ETAA1: variants seen among roughly 807,000 people sequenced by gnomAD.
ETAA1 encodes ETAA1 activator of ATR kinase, also known as ewing's tumor-associated antigen 1.
Under a neutral mutation model 76.8 loss-of-function variants are expected in ETAA1, and 49 were observed. The observed-to-expected ratio is 0.64, with a 90% CI of 0.51 to 0.81. ETAA1 has a LOEUF of 0.81. Among genes scored for constraint, ETAA1 ranks in the 30% least tolerant of loss-of-function variants. The pLI is 0.00. For missense variants in ETAA1, 1,099 were observed against 1,074.0 expected, an observed-to-expected ratio of 1.02 and a Z score of -0.32; for synonymous variants, 373 against 372.2, an observed-to-expected ratio of 1.00 and a Z score of -0.03.
At chr2:67,408,187 ATC>A (rs1430008149) in intron 5 of ETAA1, among the ~76,000 whole-genome samples, 2 of 152,108 alleles carry the variant, frequency 1.3e-5, no homozygotes, top group African/African-American at 4.8e-5. Flanking sequence ...CCAGGGAAGT[ATC>A]TCTGAAACAA....
Position 67,410,089 on chromosome 2 carries a change from T to TTGA in ETAA1, c.*53_*55dup, listed in dbSNP as rs755033189. ...GAAGACTGCTGATAACTATCTGTGA[T>TTGA]TGATAGGAAATTTTTTTTCTTGATT... On this transcript the variant is annotated 3_prime_UTR_variant, in exon 6 of 6. Coordinates refer to ENST00000272342, the MANE Select transcript of ETAA1 (RefSeq NM_019002.4). 5.6e-6 allele frequency: 7 copies of TTGA among 1,258,670 alleles called. No homozygotes were observed. In the Middle Eastern group the frequency reaches 1.1e-3, roughly 203 times the overall value. The allele number at this position is 1,258,670 out of a possible 1,614,324, so 78.0% of individuals were successfully genotyped here. A position where few individuals can be genotyped will look rare whatever the true frequency, so the allele number is the denominator to read the frequency against.
rs1676372615 is a variant in ETAA1 at position 67,411,664 on chromosome 2, TG to T, written c.*1627del. ...TTGCATCACGTTAGAGTTGAAAAAT[TG>T]TAAGTCAACCATTTTAAGTTGGAGA... On this transcript the variant is annotated 3_prime_UTR_variant, in exon 6 of 6. Transcript: ENST00000272342. 1 of 152,240 alleles carries T rather than the reference TG, an allele frequency of 6.6e-6. No individual in the cohort carries two copies. Among genetic ancestry groups the T allele is most frequent in the Admixed American group, 6.6e-5 (1 of 15,260 alleles). 9.4% of individuals were successfully genotyped at this position (152,240 alleles called of 1,614,324 possible).
intron 5 of ETAA1, 77 bp downstream of exon 5, chr2:67,405,412 G>A: frequency 8.6e-6 from 10 of 1,169,096 alleles, no homozygotes; most frequent in Non-Finnish European, 1.2e-5. Context: ...TTGTTTTTGA[G>A]TGTGAGTAAT....
rs1675909978 is a variant in ETAA1 at position 67,397,571 on chromosome 2, C to T, written c.123C>T (p.Arg41=). ...EPGRRRLRSA[R]GSWPCGAREG... is the part of the protein sequence containing the mutation. ...GGAGGAGGCGGCTGAGATCGGCCCG[C>T]GGTTCGTGGCCCTGCGGGGCTAGAG... is the stretch of plus-strand genomic sequence containing the variant. Residue 41 remains arginine, a synonymous_variant, in exon 1 of 6, where the codon CGC becomes CGT. Coordinates refer to ENST00000272342, the MANE Select transcript of ETAA1 (RefSeq NM_019002.4). The T allele has an allele frequency of 6.4e-7, 1 of 1,563,880 alleles. No homozygotes were observed. Among genetic ancestry groups the T allele is most frequent in the Non-Finnish European group, 8.7e-7 (1 of 1,154,654 alleles).
intron 1 of ETAA1, among the ~76,000 whole-genome samples, chr2:67,398,193 C>T (rs1373911178): frequency 1.3e-5 from 2 of 151,682 alleles, no homozygotes; most frequent in South Asian, 2.1e-4. Context: ...CTAAGGATCT[C>T]TTTCGTCTCG....
intron 3 of ETAA1, chr2:67,400,345 C>T (rs1050418969): frequency 9.9e-5 from 15 of 152,134 alleles, no homozygotes; most frequent in African/African-American, 3.6e-4. Flanking sequence ...CTTGGACAGG[C>T]ATGGTGACTC....
At chr2:67,400,240 T>C (rs1213628278) in intron 3 of ETAA1, 2 of 152,354 alleles carry the variant, frequency 1.3e-5, no homozygotes, top group African/African-American at 4.8e-5. Flanking sequence ...TTAAACTAGA[T>C]AAAAATTCTT....
chr2:67,400,454 G>C (rs759247657), intron 3 of ETAA1: 2 of 151,778 alleles, frequency 1.3e-5, no homozygotes, highest in African/African-American at 4.8e-5. Flanking sequence ...ATTTTTTTTT[G>C]AGTGTTTCGT....
intron 5 of ETAA1, 26 bp from the exon 6 acceptor site, chr2:67,409,885 A>AAAC: frequency 6.3e-7 from 1 of 1,580,562 alleles, no homozygotes; most frequent in South Asian, 1.2e-5. Context: ...TATAAAAGTA[A>AAAC]AACTCATCTT....
At chr2:67,405,855 TATC>T (rs1315823112) in intron 5 of ETAA1, among the ~76,000 whole-genome samples, 1 of 152,108 alleles carries the variant, frequency 6.6e-6, no homozygotes, top group Non-Finnish European at 1.5e-5. Flanking sequence ...TGATAACAGC[TATC>T]ATTTCTGATT....
chr2:67,402,779 CT>C (rs1299911169), intron 3 of ETAA1, 82 bp from the exon 4 acceptor site: 1 of 890,546 alleles, frequency 1.1e-6, no homozygotes. Context: ...TTTTTATTGT[CT>C]TTTTTCTTTC....
rs754355763 is a variant in ETAA1 at position 67,407,682 on chromosome 2, G to T, written c.2654-2229G>T. On this transcript the variant is annotated intron_variant, in intron 5 of 5. Coordinates refer to ENST00000272342, the MANE Select transcript of ETAA1 (RefSeq NM_019002.4). ...TAATTAATTAATACATATTTTGTATGCTCTTATATGTATTATATACTGTAT... is the reference window on the plus strand; with the variant it reads ...TAATTAATTAATACATATTTTGTATTCTCTTATATGTATTATATACTGTAT... Among the ~76,000 whole-genome samples, 7 of 152,154 alleles carry T rather than the reference G, an allele frequency of 4.6e-5. No homozygotes were observed. In the South Asian group the frequency reaches 8.3e-4, roughly 18 times the overall value.
In ETAA1 at chr2:67,404,302, G is replaced by A. The variant is rs772480532; in HGVS notation, c.1620G>A (p.Gln540=). 1.2e-6 allele frequency: 2 copies of A among 1,612,252 alleles called. No homozygotes were observed. The highest frequency in any genetic ancestry group is 1.7e-6 in the Non-Finnish European group (2 of 1,179,194). ...AGAAAAATAAGTGCATTTTAAATCA[G>A]TCTATTAAAGCCCCTGTTAATACTG... ...NEQKNKCILN[Q]SIKAPVNTDL... Residue 540 remains glutamine, a synonymous_variant, in exon 5 of 6, where the codon CAG becomes CAA. Transcript: ENST00000272342.
In ETAA1 at chr2:67,411,217, G is replaced by A. The variant is rs17545301; in HGVS notation, c.*1179G>A. ...GGAGGATGCTTTATTCCTCTTAAAT[G>A]GTTTTAGGAGATCTAGAGAAAGTTA... On this transcript the variant is annotated 3_prime_UTR_variant, in exon 6 of 6. Coordinates refer to ENST00000272342, the MANE Select transcript of ETAA1 (RefSeq NM_019002.4). 10,311 of 151,922 alleles carry A rather than the reference G, an allele frequency of 0.068. 454 individuals are homozygous for A. Among genetic ancestry groups the A allele is most frequent in the Middle Eastern group, 0.13 (38 of 294 alleles). The allele number at this position is 151,922 out of a possible 1,614,324, so 9.4% of individuals were successfully genotyped here. A position where few individuals can be genotyped will look rare whatever the true frequency, so the allele number is the denominator to read the frequency against.
chr2:67,406,556 T>C (rs1454873914), intron 5 of ETAA1, among the ~76,000 whole-genome samples: 1 of 152,166 alleles, frequency 6.6e-6, no homozygotes, highest in African/African-American at 2.4e-5. Context: ...AATAGTAATA[T>C]GCTAGTTATT....
Position 67,402,856 on chromosome 2 carries a change from C to T in ETAA1, c.430-6C>T, listed in dbSNP as rs1268474274. 6.3e-7 allele frequency: 1 copy of T among 1,576,840 alleles called. No individual in the cohort carries two copies. The highest frequency in any genetic ancestry group is 8.6e-7 in the Non-Finnish European group (1 of 1,163,002). ...TTATACCTCTTTTTTTCCCTATCTGCCAAAGGATGAAAAACCAACAACAAA... is the reference window on the plus strand; with the variant it reads ...TTATACCTCTTTTTTTCCCTATCTGTCAAAGGATGAAAAACCAACAACAAA... On this transcript the variant is annotated splice_region_variant and splice_polypyrimidine_tract_variant and intron_variant, in intron 3 of 5. Coordinates refer to ENST00000272342, the MANE Select transcript of ETAA1 (RefSeq NM_019002.4).
At chr2:67,406,486 T>C (rs1676223469) in intron 5 of ETAA1, among the ~76,000 whole-genome samples, 1 of 152,168 alleles carries the variant, frequency 6.6e-6, no homozygotes, top group African/African-American at 2.4e-5. Flanking sequence ...GACTCTTCTC[T>C]GTCTTGTTGG....
Position 67,399,606 on chromosome 2 carries a change from G to A in ETAA1, c.409G>A (p.Val137Ile). 1 of 1,607,832 alleles carries A rather than the reference G, an allele frequency of 6.2e-7. No homozygotes were observed. The highest frequency in any genetic ancestry group is 8.5e-7 in the Non-Finnish European group (1 of 1,175,856). Residue 137 changes from valine to isoleucine, a missense_variant, in exon 3 of 6, where the codon GTT (valine) becomes ATT (isoleucine). Coordinates refer to ENST00000272342, the MANE Select transcript of ETAA1 (RefSeq NM_019002.4). ...AGATAGTGATGAGATTTCACATATTGTTAATCGTATTGCTCCTCAGGTAAA... is the reference window on the plus strand; with the variant it reads ...AGATAGTGATGAGATTTCACATATTATTAATCGTATTGCTCCTCAGGTAAA... ...TTDSDEISHI[V>I]NRIAPQDEKP...
At position 67,405,339 on chromosome 2, in the gene ETAA1, T is replaced by A; in HGVS notation, c.2653+4T>A. 1.3e-6 allele frequency: 2 copies of A among 1,510,408 alleles called. No homozygotes were observed. Among genetic ancestry groups the A allele is most frequent in the Non-Finnish European group, 1.8e-6 (2 of 1,132,126 alleles). The allele number at this position is 1,510,408 out of a possible 1,614,324, so 93.6% of individuals were successfully genotyped here. On this transcript the variant is annotated splice_donor_region_variant and intron_variant, in intron 5 of 5. Coordinates refer to ENST00000272342, the MANE Select transcript of ETAA1 (RefSeq NM_019002.4). ...TCTTTGAAACAATCTTCAAAAGGTA[T>A]GTATGAAATATGAAATAGTTTTCTT... is the stretch of plus-strand genomic sequence containing the variant.
Sources: gnomAD v4.1 joint callset for allele counts (sites outside exome capture counted in the v4.1 genomes callset) on GRCh38, gnomAD v4.1.1 for gene constraint, MANE v1.5 for transcripts, NCBI Gene and HGNC (gene_info 2026-07-23, HGNC 2026-07-21) for gene names.